MOV10L1: variants seen among roughly 807,000 people sequenced by gnomAD.
MOV10L1 encodes the protein Mov10 like RNA helicase 1, also known as RNA helicase Mov10l1.
MOV10L1 carries 110 observed loss-of-function variants against 143.8 expected under a neutral mutation model. The observed-to-expected ratio is 0.76, with a 90% confidence interval of 0.66 to 0.90. The LOEUF is 0.90. Ranked by LOEUF, MOV10L1 falls within the 40% of genes least tolerant of loss-of-function variation. The pLI is 0.00. For synonymous variants in MOV10L1, 593 were observed against 581.1 expected (o/e 1.02, Z -0.29); for missense variants, 1,406 against 1,526.8 (o/e 0.92, Z 1.32).
intron 9 of MOV10L1, among the ~76,000 whole-genome samples, chr22:50,118,606 C>T (rs750080363): frequency 3.4e-4 from 52 of 152,166 alleles, no homozygotes; most frequent in Middle Eastern, 6.8e-3. Flanking sequence ...TGTCAGAAAA[C>T]GTTTAGTGGG....
intron 21 of MOV10L1, among the ~76,000 whole-genome samples, chr22:50,151,748 G>A (rs1310688085): frequency 2.0e-5 from 3 of 152,238 alleles, no homozygotes; most frequent in African/African-American, 7.2e-5. Context: ...AGGTGTGGGT[G>A]CAGGTGACGT....
chr22:50,148,602 G>C (rs1454298830), intron 19 of MOV10L1, among the ~76,000 whole-genome samples: 4 of 152,120 alleles, frequency 2.6e-5, no homozygotes, highest in Non-Finnish European at 5.9e-5. Context: ...GAACCTCACT[G>C]AGTTTGCAGC....
chr22:50,128,377 A>G, intron 12 of MOV10L1, 39 bp from the exon 13 acceptor site: 1 of 1,131,012 alleles, frequency 8.8e-7, no homozygotes, highest in Non-Finnish European at 1.3e-6. Context: ...ATATCACATT[A>G]TTTCAAGAAA....
At chr22:50,133,030 G>A (rs928688982) in intron 13 of MOV10L1, among the ~76,000 whole-genome samples, 9 of 141,118 alleles carry the variant, frequency 6.4e-5, no homozygotes, top group Admixed American at 1.5e-4. Flanking sequence ...GCAAGCCTCC[G>A]TCTGAAAAAA....
chr22:50,155,451 CTGG>C (rs1432515392), intron 22 of MOV10L1, among the ~76,000 whole-genome samples: 5 of 151,764 alleles, frequency 3.3e-5, no homozygotes, highest in Admixed American at 6.6e-5. Context: ...ACTGCTTTAT[CTGG>C]TGGTGACTTT....
At chr22:50,108,896 G>C in intron 5 of MOV10L1, 52 bp downstream of exon 5, 1 of 1,573,944 alleles carries the variant, frequency 6.4e-7, no homozygotes, top group Non-Finnish European at 8.7e-7. Flanking sequence ...TGTAATCCTA[G>C]CACTTTGGGA....
rs937475398 is a variant in MOV10L1, at chr22:50,136,716, G to A, written c.2070+2086G>A. Among the ~76,000 whole-genome samples, 5 of 152,154 alleles carry A rather than the reference G, an allele frequency of 3.3e-5. No individual in the cohort carries two copies. The East Asian group carries it at 5.8e-4, about 18-fold the overall frequency. On this transcript the variant is annotated intron_variant, in intron 15 of 26. Coordinates refer to ENST00000262794, the MANE Select transcript of MOV10L1 (RefSeq NM_018995.3). ...TGACAGAGTAGAGTGCTGGGGAGAG[G>A]GCAGGGGACAGAGAGCAGCTGGGCA...
At chr22:50,095,038 A>C (rs2062554140) in intron 2 of MOV10L1, 1 of 152,176 alleles carries the variant, frequency 6.6e-6, no homozygotes, top group Admixed American at 6.5e-5. Context: ...CTGTCTCTTA[A>C]AAATAAATAA....
rs1485514666 is a variant in MOV10L1 at position 50,090,008 on chromosome 22, T to TGGTGGCG, written c.-78_-72dup. The TGGTGGCG allele has an allele frequency of 2.8e-5, 31 of 1,093,078 alleles. No homozygotes were observed. The highest frequency in any genetic ancestry group is 3.3e-5 in the Non-Finnish European group (29 of 889,640). The allele number at this position is 1,093,078 out of a possible 1,614,324, so 67.7% of individuals were successfully genotyped here. On this transcript the variant is annotated 5_prime_UTR_variant, in exon 1 of 27. Coordinates refer to ENST00000262794, the MANE Select transcript of MOV10L1 (RefSeq NM_018995.3). ...GCATGCCCAGGCGCGGCGACCCCAT[T>TGGTGGCG]GGTGGCGGGCGGCGGGAGCGGCGCG...
At position 50,150,837 on chromosome 22, in the gene MOV10L1, C is replaced by T. The variant is rs759440735; in HGVS notation, c.2830C>T (p.Arg944Ter). 1 of 1,614,214 alleles carries T rather than the reference C, an allele frequency of 6.2e-7. No homozygotes were observed. The highest frequency in any genetic ancestry group is 8.5e-7 in the Non-Finnish European group (1 of 1,180,034). Residue 944 changes from arginine (R) to a stop codon, truncating the protein, a stop_gained, in exon 21 of 27, where the codon CGA (arginine) becomes TGA (stop). Transcript: ENST00000262794. LOFTEE classifies it high-confidence loss of function. Reference protein sequence around the residue: ...NVSFLERLMSRPAYQRDENAF... With the variant: ...NVSFLERLMS ...GTCCTTTTTGGAACGGCTGATGTCT[C>T]GACCCGCGTACCAGAGGGACGAAAA...
chr22:50,125,194 G>A (rs2062463017), intron 10 of MOV10L1, among the ~76,000 whole-genome samples, 198 bp from the exon 11 acceptor site: 1 of 152,214 alleles, frequency 6.6e-6, no homozygotes, highest in Non-Finnish European at 1.5e-5. Context: ...AAAGGCCAGG[G>A]AGTGTGCTGG....
In MOV10L1 at chr22:50,126,286, C is replaced by CAT; in HGVS notation, c.1818+14_1818+15insAT. 2 of 1,597,706 alleles carry CAT rather than the reference C, an allele frequency of 1.3e-6. No individual in the cohort carries two copies. Among genetic ancestry groups the CAT allele is most frequent in the South Asian group, 2.2e-5 (2 of 90,630 alleles). The stretch of plus-strand genomic sequence containing the variant: ...TACGTGACTGAGGTGAGAGCACTCT[C>CAT]TCTTAATGAGTTTGTGTTAGACACA... On this transcript the variant is annotated intron_variant, in intron 12 of 26. Coordinates refer to ENST00000262794, the MANE Select transcript of MOV10L1 (RefSeq NM_018995.3).
In MOV10L1 at chr22:50,134,532, T is replaced by G; in HGVS notation, c.1972T>G (p.Leu658Val). The G allele has an allele frequency of 6.2e-7, 1 of 1,614,036 alleles. No homozygotes were observed. The highest frequency in any genetic ancestry group is 8.5e-7 in the Non-Finnish European group (1 of 1,179,896). ...CTTACCATTTTTTGTTTTAAAAGTG[T>G]TGTTTCCAGAAGAAATTATTTTACA... Reference protein sequence around the residue: ...EHVIHLGVKVLFPEEIILQSP... With the variant: ...EHVIHLGVKVVFPEEIILQSP... Residue 658 changes from leucine (L) to valine (V), a missense_variant and splice_region_variant, in exon 15 of 27, where the codon TTG becomes GTG. This residue lies in a region of MOV10L1 where 1,233 missense variants were observed against 1,351.4 expected (regional missense o/e 0.91). Coordinates refer to ENST00000262794, the MANE Select transcript of MOV10L1 (RefSeq NM_018995.3).
chr22:50,107,535 A>G (rs974787331), intron 3 of MOV10L1, among the ~76,000 whole-genome samples: 1 of 152,214 alleles, frequency 6.6e-6, no homozygotes, highest in Non-Finnish European at 1.5e-5. Context: ...AAATAACAAA[A>G]AGATTTTAAC....
chr22:50,161,274 TC>T, intron 26 of MOV10L1, 93 bp from the exon 27 acceptor site: 1 of 1,129,614 alleles, frequency 8.9e-7, no homozygotes, highest in African/African-American at 1.6e-5. Flanking sequence ...GTAAACTAAG[TC>T]CCCTTGTAAA....
rs1186782422 is a variant in MOV10L1 at position 50,092,197 on chromosome 22, G to A, written c.282+12G>A. On this transcript the variant is annotated intron_variant, in intron 2 of 26. Coordinates refer to ENST00000262794, the MANE Select transcript of MOV10L1 (RefSeq NM_018995.3). ...TGAAAGCAATCAGGGTAAGGTTTGAGTTCATTTGGGAACAGTTTTTCTTCG... is the reference window on the plus strand; with the variant it reads ...TGAAAGCAATCAGGGTAAGGTTTGAATTCATTTGGGAACAGTTTTTCTTCG... 4 of 1,606,444 alleles carry A rather than the reference G, an allele frequency of 2.5e-6. No homozygotes were observed. Among genetic ancestry groups the A allele is most frequent in the Non-Finnish European group, 3.4e-6 (4 of 1,175,708 alleles).
Position 50,161,515 on chromosome 22 carries a change from C to T in MOV10L1, c.*66C>T. On this transcript the variant is annotated 3_prime_UTR_variant, in exon 27 of 27. Coordinates refer to ENST00000262794, the MANE Select transcript of MOV10L1 (RefSeq NM_018995.3). Reference sequence around the variant, plus strand: ...GGCCACGTTGCCGTTACAGTCTGCTCCGTGGCTCCTGTGGCCTGCCCTTGT... The same window carrying T: ...GGCCACGTTGCCGTTACAGTCTGCTTCGTGGCTCCTGTGGCCTGCCCTTGT... The T allele has an allele frequency of 6.8e-7, 1 of 1,469,006 alleles. No homozygotes were observed. The highest frequency in any genetic ancestry group is 9.2e-7 in the Non-Finnish European group (1 of 1,081,992). 91.0% of individuals were successfully genotyped at this position (1,469,006 alleles called of 1,614,324 possible). A position where few individuals can be genotyped will look rare whatever the true frequency, so the allele number is the denominator to read the frequency against.
chr22:50,123,770 G>A (rs913785345), intron 10 of MOV10L1, among the ~76,000 whole-genome samples: 2 of 152,176 alleles, frequency 1.3e-5, no homozygotes, highest in Non-Finnish European at 2.9e-5. Flanking sequence ...ATTTAGCTAT[G>A]GAGCCATCAG....
intron 5 of MOV10L1, among the ~76,000 whole-genome samples, chr22:50,111,536 C>T (rs899532900): frequency 7.5e-6 from 1 of 132,506 alleles, no homozygotes; most frequent in African/African-American, 2.9e-5. Flanking sequence ...TGGAGTCTCG[C>T]TCCGTCACCC....
Sources: gnomAD v4.1 joint callset for allele counts (sites outside exome capture counted in the v4.1 genomes callset) on GRCh38, gnomAD v4.1.1 for gene constraint, gnomAD v4.1.1 regional missense constraint, MANE v1.5 for transcripts, NCBI Gene and HGNC (gene_info 2026-07-23, HGNC 2026-07-21) for gene names.